Variants in SUGP1 observed in about 807,000 individuals in gnomAD.
SUGP1 encodes the protein SURP and G-patch domain containing 1.
SUGP1 carries 34 observed loss-of-function variants against 76.5 expected under a neutral mutation model. That is an observed-to-expected ratio of 0.44 (90% CI 0.34 to 0.59). The LOEUF (loss-of-function observed/expected upper bound fraction) is 0.59. SUGP1 is among the 20% of genes least tolerant of loss of function. The pLI, the probability that SUGP1 is intolerant of heterozygous loss-of-function variation, is 0.01. For missense variants in SUGP1, 752 were observed against 851.7 expected, an observed-to-expected ratio of 0.88 and a Z score of 1.46; for synonymous variants, 326 against 326.2, an observed-to-expected ratio of 1.00 and a Z score of 0.01.
intron 7 of SUGP1, chr19:19,301,734 G>A (rs2061273117): frequency 6.4e-6 from 1 of 155,318 alleles, no homozygotes; most frequent in Non-Finnish European, 1.4e-5. Flanking sequence ...TGGGGCTAGG[G>A]TACGACCGCA....
At chr19:19,317,534 T>C (rs2072765426) in intron 1 of SUGP1, among the ~76,000 whole-genome samples, 1 of 152,122 alleles carries the variant, frequency 6.6e-6, no homozygotes, top group African/African-American at 2.4e-5. Context: ...GGGTCTTTTT[T>C]TGAGACAGGG....
intron 1 of SUGP1, among the ~76,000 whole-genome samples, chr19:19,319,147 G>C (rs1166089486): frequency 2.0e-5 from 3 of 152,122 alleles, no homozygotes; most frequent in African/African-American, 7.2e-5. Context: ...GCTTGAACCC[G>C]GGAGGTAGAG....
intron 8 of SUGP1, among the ~76,000 whole-genome samples, chr19:19,286,959 A>AAAC (rs371554669): frequency 2.0e-3 from 302 of 151,578 alleles, no homozygotes; most frequent in East Asian, 8.2e-3. Context: ...AAAAAAAGCA[A>AAAC]AACAACAACA....
intron 4 of SUGP1, among the ~76,000 whole-genome samples, chr19:19,305,248 G>C (rs1296211285): frequency 6.6e-6 from 1 of 152,168 alleles, no homozygotes; most frequent in African/African-American, 2.4e-5. Flanking sequence ...ACACAGTTCA[G>C]GTGTCACAGG....
intron 1 of SUGP1, among the ~76,000 whole-genome samples, chr19:19,318,633 T>C (rs907890314): frequency 1.6e-4 from 25 of 152,170 alleles, no homozygotes; most frequent in African/African-American, 5.8e-4. Context: ...TCTTGCTATG[T>C]TCCCCAGGCT....
At chr19:19,290,179 G>C (rs1223188955) in intron 8 of SUGP1, among the ~76,000 whole-genome samples, 1 of 152,106 alleles carries the variant, frequency 6.6e-6, no homozygotes, top group African/African-American at 2.4e-5. Flanking sequence ...GAGACCCCTA[G>C]GAAATTACCC....
At chr19:19,310,274 G>C in intron 2 of SUGP1, 74 bp from the exon 3 acceptor site, 2 of 1,161,506 alleles carry the variant, frequency 1.7e-6, no homozygotes, top group South Asian at 1.2e-5. Flanking sequence ...ACGAGGATGA[G>C]GATGAGGCCA....
chr19:19,298,225 C>T (rs1330976955), intron 7 of SUGP1, among the ~76,000 whole-genome samples: 1 of 152,192 alleles, frequency 6.6e-6, no homozygotes, highest in Non-Finnish European at 1.5e-5. Context: ...AGGCCGGGCG[C>T]GGTGGCTCAC....
chr19:19,281,194 CAT>C (rs1402281551), intron 8 of SUGP1: 2 of 152,386 alleles, frequency 1.3e-5, no homozygotes, highest in African/African-American at 2.4e-5. Context: ...CACTCCACCA[CAT>C]GAGCGGGCGG....
chr19:19,304,434 A>G (rs1453099206), intron 4 of SUGP1, among the ~76,000 whole-genome samples: 2 of 152,156 alleles, frequency 1.3e-5, no homozygotes, highest in African/African-American at 4.8e-5. Context: ...GCCCAGACCC[A>G]GAGCCAGCCA....
intron 3 of SUGP1, among the ~76,000 whole-genome samples, chr19:19,309,527 C>T (rs1048527387): frequency 1.3e-5 from 2 of 152,076 alleles, no homozygotes; most frequent in Non-Finnish European, 2.9e-5. Flanking sequence ...CGCCTATTAC[C>T]CCAGCACTTT....
chr19:19,318,986 A>G (rs1164439439), intron 1 of SUGP1, among the ~76,000 whole-genome samples: 1 of 152,162 alleles, frequency 6.6e-6, no homozygotes, highest in Non-Finnish European at 1.5e-5. Flanking sequence ...GGGAGGCTGA[A>G]GCAGGCAGAT....
intron 3 of SUGP1, among the ~76,000 whole-genome samples, 185 bp downstream of exon 3, chr19:19,309,912 A>C (rs2146624180): frequency 6.6e-6 from 1 of 151,076 alleles, no homozygotes; most frequent in African/African-American, 2.4e-5. Flanking sequence ...ACTCCGTCTC[A>C]AAAAAAAAAT....
At chr19:19,285,844 C>T (rs1273457804) in intron 8 of SUGP1, among the ~76,000 whole-genome samples, 1 of 152,194 alleles carries the variant, frequency 6.6e-6, no homozygotes, top group Admixed American at 6.5e-5. Flanking sequence ...GGATTACAGG[C>T]ATGAGCTACC....
In SUGP1 at chr19:19,278,713, T is replaced by A. The variant is rs1019036177; in HGVS notation, c.1612A>T (p.Met538Leu). The change falls in exon 11 of 14, where the codon ATG becomes TTG. Residue 538 changes from methionine (M) to leucine (L), a missense_variant. This residue lies in a region of SUGP1 where 132 missense variants were observed against 234.4 expected (regional missense o/e 0.56). Transcript: ENST00000247001. ...FLPPDELEKF[M>L]ETFKALKEGR... is the part of the protein sequence containing the mutation. ...ACCTTCAGGGCCTTGAAGGTCTCCA[T>A]AAACTTTTCCAGCTCGTCTGGAGGC... 1.2e-6 allele frequency: 2 copies of A among 1,613,754 alleles called. No homozygotes were observed. The highest frequency in any genetic ancestry group is 1.6e-4 in the Middle Eastern group (1 of 6,062).
At chr19:19,296,952 C>A (rs984873300) in intron 8 of SUGP1, 37 bp downstream of exon 8, 4 of 1,501,884 alleles carry the variant, frequency 2.7e-6, no homozygotes, top group South Asian at 1.3e-5. Flanking sequence ...AGAAGTCAGA[C>A]CCTTCCAACA....
intron 2 of SUGP1, among the ~76,000 whole-genome samples, chr19:19,315,331 G>C (rs932998112): frequency 6.4e-5 from 9 of 141,532 alleles, no homozygotes; most frequent in Non-Finnish European, 7.8e-5. Context: ...CTGTCTCAAA[G>C]AAAAAAAAAA....
intron 5 of SUGP1, 69 bp downstream of exon 5, chr19:19,303,655 G>A: frequency 3.2e-6 from 5 of 1,582,366 alleles, no homozygotes; most frequent in Non-Finnish European, 2.6e-6. Flanking sequence ...CAAGCACCCA[G>A]CCCCACACGT....
chr19:19,287,637 TGGAAA>T (rs1462730050), intron 8 of SUGP1, among the ~76,000 whole-genome samples: 1 of 152,066 alleles, frequency 6.6e-6, no homozygotes, highest in African/African-American at 2.4e-5. Flanking sequence ...GACAGCTGGA[TGGAAA>T]GGAGTGCTTC....
Sources: gnomAD v4.1 joint callset for allele counts (sites outside exome capture counted in the v4.1 genomes callset) on GRCh38, gnomAD v4.1.1 for gene constraint, gnomAD v4.1.1 regional missense constraint, MANE v1.5 for transcripts, NCBI Gene and HGNC (gene_info 2026-07-23, HGNC 2026-07-21) for gene names.